The following TJP1 variants were observed in gnomAD, a reference collection of about 807,000 sequenced individuals.
TJP1 encodes the protein tight junction protein 1, also known as tight junction protein ZO-1.
A neutral mutation model predicts 194.2 loss-of-function variants in TJP1; 43 were observed. The ratio of observed to expected loss-of-function variants is 0.22; its 90% CI spans 0.17 to 0.29. The LOEUF (loss-of-function observed/expected upper bound fraction) is 0.29, where lower values mean the gene tolerates loss of function less well. TJP1 is among the 10% of genes least tolerant of loss of function. TJP1 has a pLI of 1.00. For missense variants in TJP1, 1,971 were observed against 2,185.7 expected, an observed-to-expected ratio of 0.90 and a Z score of 1.96; for synonymous variants, 801 against 779.0, an observed-to-expected ratio of 1.03 and a Z score of -0.47.
At chr15:29,771,113 C>A (rs1055189186) in intron 4 of TJP1, among the ~76,000 whole-genome samples, 1 of 152,192 alleles carries the variant, frequency 6.6e-6, no homozygotes, top group African/African-American at 2.4e-5. Flanking sequence ...TAGACATACA[C>A]ATACTTACCA....
At chr15:29,947,332 T>C (rs187037234) in intron 2 of TJP1, among the ~76,000 whole-genome samples, 5 of 152,270 alleles carry the variant, frequency 3.3e-5, no homozygotes, top group African/African-American at 1.2e-4. Context: ...GAGAGTCCTA[T>C]GGGAAAAATA....
intron 2 of TJP1, among the ~76,000 whole-genome samples, chr15:29,874,059 G>T (rs751759341): frequency 1.3e-5 from 2 of 152,154 alleles, no homozygotes; most frequent in African/African-American, 2.4e-5. Flanking sequence ...CCACCCACGG[G>T]GAGTTGCACA....
intron 5 of TJP1, among the ~76,000 whole-genome samples, chr15:29,764,107 C>G (rs1357160559): frequency 6.6e-6 from 1 of 152,106 alleles, no homozygotes; most frequent in African/African-American, 2.4e-5. Flanking sequence ...GAGATAGTTC[C>G]TGCACTCTGG....
rs991951645 is a variant in TJP1, at chr15:29,700,569, T to C, written c.*1026A>G. 2 of 397,800 alleles carry C rather than the reference T, an allele frequency of 5.0e-6. No homozygotes were observed. The highest frequency in any genetic ancestry group is 8.9e-6 in the Non-Finnish European group (2 of 225,812). 24.6% of individuals were successfully genotyped at this position (397,800 alleles called of 1,614,324 possible). A position where few individuals can be genotyped will look rare whatever the true frequency, so the allele number is the denominator to read the frequency against. ...AAAGGTAGCCTTTAGAAACGTGGTC[T>C]TGTTTATGTATAAAAAAGGTAAAGT... On this transcript the variant is annotated 3_prime_UTR_variant, in exon 28 of 28. Transcript: ENST00000614355.
intron 11 of TJP1, among the ~76,000 whole-genome samples, chr15:29,735,461 T>C (rs1286247687): frequency 6.6e-6 from 1 of 151,696 alleles, no homozygotes; most frequent in African/African-American, 2.4e-5. Flanking sequence ...TGGTGGCTAA[T>C]GCCTGTGGTC....
chr15:29,798,272 T>A (rs1032436693), intron 2 of TJP1, among the ~76,000 whole-genome samples: 2 of 1,420 alleles, frequency 1.4e-3, no homozygotes, highest in Non-Finnish European at 0.022. Context: ...TGCCCAGCGT[T>A]TTTTTTTTTT....
intron 2 of TJP1, among the ~76,000 whole-genome samples, chr15:29,949,469 A>T (rs866881054): frequency 0.048 from 1,476 of 30,566 alleles, 2 homozygotes; most frequent in East Asian, 0.072. Context: ...TTCCACCACC[A>T]CCACCTCCAC....
At chr15:29,819,838 G>C (rs1425828638) in intron 1 of TJP1, among the ~76,000 whole-genome samples, 1 of 152,104 alleles carries the variant, frequency 6.6e-6, no homozygotes, top group Non-Finnish European at 1.5e-5. Flanking sequence ...TTTCTAGGTA[G>C]TCTTTTTAGA....
chr15:29,870,200 A>C (rs948558603), intron 2 of TJP1, among the ~76,000 whole-genome samples: 1 of 152,058 alleles, frequency 6.6e-6, no homozygotes, highest in Non-Finnish European at 1.5e-5. Flanking sequence ...ATAACATTAG[A>C]TGGATGAACA....
intron 2 of TJP1, among the ~76,000 whole-genome samples, chr15:29,795,988 A>C (rs937830414): frequency 6.6e-6 from 1 of 152,172 alleles, no homozygotes; most frequent in African/African-American, 2.4e-5. Flanking sequence ...CAGTAAACTA[A>C]GATAAAAGGG....
chr15:29,761,318 A>G (rs1338439545), intron 7 of TJP1, 32 bp from the exon 8 acceptor site: 1 of 1,612,342 alleles, frequency 6.2e-7, no homozygotes, highest in South Asian at 1.1e-5. Context: ...TTATTTTCCC[A>G]CAAAAATAAT....
At position 29,726,498 on chromosome 15, in the gene TJP1, T is replaced by C. The variant is rs1371369404; in HGVS notation, c.2312-19A>G. 1.9e-6 allele frequency: 3 copies of C among 1,609,508 alleles called. No homozygotes were observed. Among genetic ancestry groups the C allele is most frequent in the Middle Eastern group, 1.7e-4 (1 of 6,056 alleles). Reference sequence around the variant, plus strand: ...ATTGTAGCTGAAAATAAATTAACGATGTAGTTTTATGGTTAGAGCACTGCC... The same window carrying C: ...ATTGTAGCTGAAAATAAATTAACGACGTAGTTTTATGGTTAGAGCACTGCC... On this transcript the variant is annotated intron_variant, in intron 17 of 27. Transcript: ENST00000614355.
At chr15:29,819,595 G>A (rs2050184816) in intron 1 of TJP1, among the ~76,000 whole-genome samples, 1 of 152,004 alleles carries the variant, frequency 6.6e-6, no homozygotes, top group South Asian at 2.1e-4. Flanking sequence ...TTCCTGATAC[G>A]GCCTTCTTTT....
chr15:29,717,117 T>C (rs553645432), intron 22 of TJP1, among the ~76,000 whole-genome samples: 1 of 152,314 alleles, frequency 6.6e-6, no homozygotes, highest in African/African-American at 2.4e-5. Flanking sequence ...TAGAAGTAGT[T>C]AATCAGAAAG....
chr15:29,957,078 T>TA (rs1277985763), intron 1 of TJP1, among the ~76,000 whole-genome samples: 2 of 152,166 alleles, frequency 1.3e-5, no homozygotes, highest in African/African-American at 4.8e-5. Context: ...CCATCACAGA[T>TA]ACTGTTCAGC....
chr15:29,886,278 A>C (rs1005145366), intron 2 of TJP1, among the ~76,000 whole-genome samples: 6 of 152,236 alleles, frequency 3.9e-5, no homozygotes, highest in Non-Finnish European at 8.8e-5. Context: ...ATCAGTCATT[A>C]AATTTTTATT....
At position 29,863,347 on chromosome 15, in the gene TJP1, T is replaced by C. The variant is rs1442434907; in HGVS notation, c.307-62645A>G. Among the ~76,000 whole-genome samples, 6 of 152,220 alleles carry C rather than the reference T, an allele frequency of 3.9e-5. No homozygotes were observed. In the East Asian group the frequency reaches 1.2e-3, roughly 30 times the overall value. ...ATTGCTTGCAATATGGACGATGGTT[T>C]GCAGGAGGTAGAGGCTGGAGGAAGG... On this transcript the variant is annotated intron_variant, in intron 2 of 28. Coordinates refer to the TJP1 transcript ENST00000356107.
chr15:29,734,724 G>C (rs2043910816), intron 11 of TJP1, among the ~76,000 whole-genome samples: 1 of 152,024 alleles, frequency 6.6e-6, no homozygotes, highest in Non-Finnish European at 1.5e-5. Context: ...GACCTCAGGT[G>C]ATCCGCCCGC....
intron 2 of TJP1, among the ~76,000 whole-genome samples, chr15:29,787,618 G>A (rs759517836): frequency 2.6e-5 from 4 of 152,036 alleles, no homozygotes; most frequent in Non-Finnish European, 5.9e-5. Context: ...TTTTATGACT[G>A]GCATCTTTCA....
Sources: allele counts gnomAD v4.1 joint callset (sites outside exome capture counted in the v4.1 genomes callset), GRCh38; gene constraint gnomAD v4.1.1; transcripts MANE v1.5; gene names NCBI Gene and HGNC (gene_info 2026-07-23, HGNC 2026-07-21).